The following EPHA6 variants were observed in gnomAD, a reference collection of about 807,000 sequenced individuals.
The protein encoded by EPHA6 is ephrin type-A receptor 6.
EPHA6 carries 50 observed loss-of-function variants against 112.0 expected under a neutral mutation model. The observed-to-expected ratio is 0.45, with a 90% CI of 0.36 to 0.56. EPHA6 has a LOEUF of 0.56. Among genes scored for constraint, EPHA6 ranks in the 20% least tolerant of loss-of-function variants. The pLI is 0.00. For synonymous variants in EPHA6, 529 were observed against 490.7 expected (o/e 1.08, Z -1.03); for missense variants, 1,280 against 1,417.4 (o/e 0.90, Z 1.56).
At chr3:97,646,530 C>T (rs774208735) in intron 14 of EPHA6, among the ~76,000 whole-genome samples, 11 of 152,068 alleles carry the variant, frequency 7.2e-5, no homozygotes, top group Non-Finnish European at 1.2e-4. Context: ...TATTATAGAG[C>T]GACCATATTT....
At chr3:97,219,425 A>T (rs1372744507) in intron 3 of EPHA6, among the ~76,000 whole-genome samples, 3 of 152,216 alleles carry the variant, frequency 2.0e-5, no homozygotes, top group Non-Finnish European at 4.4e-5. Flanking sequence ...AAATCTACGT[A>T]GAAGCTCCCA....
intron 1 of EPHA6, among the ~76,000 whole-genome samples, chr3:96,847,524 A>G (rs933281194): frequency 5.9e-5 from 9 of 152,082 alleles, no homozygotes; most frequent in African/African-American, 2.2e-4. Context: ...AAGAAAGAAA[A>G]TGTATTATTA....
At chr3:97,207,347 C>T (rs1221802852) in intron 3 of EPHA6, among the ~76,000 whole-genome samples, 2 of 152,066 alleles carry the variant, frequency 1.3e-5, no homozygotes, top group Non-Finnish European at 2.9e-5. Flanking sequence ...AATTTTAATA[C>T]AAAGATAGTT....
At chr3:97,685,796 T>C (rs1203631145) in intron 14 of EPHA6, among the ~76,000 whole-genome samples, 1 of 152,190 alleles carries the variant, frequency 6.6e-6, no homozygotes, top group Admixed American at 6.6e-5. Flanking sequence ...CAGGTACTTT[T>C]AACACATGGT....
At chr3:96,865,615 C>G (rs2036258773) in intron 1 of EPHA6, among the ~76,000 whole-genome samples, 2 of 135,744 alleles carry the variant, frequency 1.5e-5, no homozygotes, top group Admixed American at 1.7e-4. Context: ...TCTAGGAGTT[C>G]AAAGCTTCAG....
intron 14 of EPHA6, among the ~76,000 whole-genome samples, chr3:97,638,861 A>G (rs1175681107): frequency 6.6e-6 from 1 of 152,182 alleles, no homozygotes; most frequent in Non-Finnish European, 1.5e-5. Flanking sequence ...AGTTTCAATG[A>G]AAAATAAGTT....
intron 14 of EPHA6, among the ~76,000 whole-genome samples, chr3:97,655,155 T>C (rs2094130536): frequency 6.7e-6 from 1 of 149,388 alleles, no homozygotes; most frequent in Admixed American, 6.7e-5. Flanking sequence ...TATATGTTTT[T>C]TGTGTATGTT....
intron 5 of EPHA6, among the ~76,000 whole-genome samples, chr3:97,314,796 A>ATGAGAACAG (rs2081735839): frequency 6.6e-6 from 1 of 151,648 alleles, no homozygotes; most frequent in African/African-American, 2.4e-5. Context: ...TGAAAGGTTG[A>ATGAGAACAG]TGAGAACAGT....
intron 3 of EPHA6, among the ~76,000 whole-genome samples, chr3:97,141,990 C>T (rs2075918455): frequency 6.6e-6 from 1 of 151,924 alleles, no homozygotes; most frequent in Non-Finnish European, 1.5e-5. Context: ...ATTATTTTTG[C>T]ATCACTCTAA....
chr3:97,463,130 TA>T (rs1196371617), intron 7 of EPHA6, among the ~76,000 whole-genome samples: 1 of 152,192 alleles, frequency 6.6e-6, no homozygotes, highest in Non-Finnish European at 1.5e-5. Context: ...CTTTAAGTTC[TA>T]GGGTACATGT....
chr3:97,525,990 A>G (rs2092614080), intron 10 of EPHA6, among the ~76,000 whole-genome samples: 1 of 152,180 alleles, frequency 6.6e-6, no homozygotes, highest in African/African-American at 2.4e-5. Flanking sequence ...TACTGTACAA[A>G]TTGGTGGCTG....
At chr3:97,316,215 A>G (rs2081828253) in intron 5 of EPHA6, among the ~76,000 whole-genome samples, 1 of 151,882 alleles carries the variant, frequency 6.6e-6, no homozygotes, top group Non-Finnish European at 1.5e-5. Context: ...CACTTAAACC[A>G]AAACAGACAG....
chr3:97,354,739 A>C (rs556671587), intron 5 of EPHA6, among the ~76,000 whole-genome samples: 1 of 152,300 alleles, frequency 6.6e-6, no homozygotes, highest in African/African-American at 2.4e-5. Flanking sequence ...AAAGATATCA[A>C]TGTTCAAGTA....
intron 11 of EPHA6, among the ~76,000 whole-genome samples, chr3:97,539,107 T>C (rs532336766): frequency 1.5e-3 from 196 of 127,622 alleles, no homozygotes; most frequent in East Asian, 3.8e-3. Flanking sequence ...TTCCTTCCTT[T>C]CTTTCTTTCT....
rs1239202947 is a variant in EPHA6 at position 96,887,262 on chromosome 3, T to A, written c.450+20373T>A. Among the ~76,000 whole-genome samples the A allele has an allele frequency of 2.0e-5, 3 of 152,100 alleles. No individual in the cohort carries two copies. The South Asian group carries it at 6.2e-4, about 32-fold the overall frequency. On this transcript the variant is annotated intron_variant, in intron 2 of 17. Coordinates refer to ENST00000389672, the MANE Select transcript of EPHA6 (RefSeq NM_001080448.3). ...TAAGGCTGAAGGCTGTTGTTCAGAT[T>A]CTTTTGTCCCATGGGGTGTTCCCTT...
At chr3:97,581,935 C>A (rs2093442559) in intron 11 of EPHA6, among the ~76,000 whole-genome samples, 1 of 152,228 alleles carries the variant, frequency 6.6e-6, no homozygotes, top group Admixed American at 6.5e-5. Flanking sequence ...GAGTGAACAA[C>A]ACATTCAAAT....
At chr3:97,151,951 G>A (rs2076182000) in intron 3 of EPHA6, among the ~76,000 whole-genome samples, 1 of 151,864 alleles carries the variant, frequency 6.6e-6, no homozygotes, top group Non-Finnish European at 1.5e-5. Context: ...AATTTACTGA[G>A]TGCTTATTAT....
intron 5 of EPHA6, among the ~76,000 whole-genome samples, chr3:97,260,319 G>T (rs1047527268): frequency 6.6e-6 from 1 of 152,124 alleles, no homozygotes; most frequent in Admixed American, 6.5e-5. Flanking sequence ...TTCTGTCAGG[G>T]TTATAGAAAA....
intron 3 of EPHA6, among the ~76,000 whole-genome samples, chr3:97,135,662 C>T (rs938704759): frequency 4.0e-5 from 6 of 151,248 alleles, no homozygotes; most frequent in South Asian, 2.1e-4. Context: ...TTCTACAGTG[C>T]GAACAAGTTT....
Sources: gnomAD v4.1 joint callset for allele counts (sites outside exome capture counted in the v4.1 genomes callset) on GRCh38, gnomAD v4.1.1 for gene constraint, MANE v1.5 for transcripts, NCBI Gene and HGNC (gene_info 2026-07-23, HGNC 2026-07-21) for gene names.